ZFHX3: variants seen among roughly 807,000 people sequenced by gnomAD.
ZFHX3 encodes zinc finger homeobox 3, also known as zinc finger homeobox protein 3.
ZFHX3 carries 42 observed loss-of-function variants against 279.1 expected under a neutral mutation model. The ratio of observed to expected loss-of-function variants is 0.15; its 90% CI spans 0.12 to 0.19. The LOEUF is 0.19. Among genes scored for constraint, ZFHX3 ranks in the 10% least tolerant of loss-of-function variants. The probability of loss-of-function intolerance (pLI) is 1.00; values close to 1 mark genes in which losing one functional copy is unlikely to be tolerated. For synonymous variants in ZFHX3, 2,293 were observed against 1,957.8 expected (o/e 1.17, Z -4.52); for missense variants, 4,981 against 4,754.0 (o/e 1.05, Z -1.40).
intron 2 of ZFHX3, among the ~76,000 whole-genome samples, chr16:72,951,189 G>A (rs1960978367): frequency 6.6e-6 from 1 of 152,134 alleles, no homozygotes; most frequent in Non-Finnish European, 1.5e-5. Flanking sequence ...TTTCTGGCAG[G>A]TTTTGTATTT....
chr16:73,520,374 C>T lies in ZFHX3; in HGVS notation c.-1546-64116G>A, dbSNP rs1263863161. 2.0e-5 allele frequency among the ~76,000 whole-genome samples: 3 copies of T among 152,176 alleles called. No homozygotes were observed. In the South Asian group the frequency reaches 6.2e-4, roughly 32 times the overall value. ...GAAAACTAAAATTACAAAGGCATAG[C>T]CTAGCAAACTTAAGTTTTTCTAAAT... is the stretch of plus-strand genomic sequence containing the variant. On this transcript the variant is annotated intron_variant, in intron 2 of 17. Coordinates refer to the ZFHX3 transcript ENST00000641206.
chr16:73,255,295 C>T (rs549538296), intron 5 of ZFHX3, among the ~76,000 whole-genome samples: 184 of 152,298 alleles, frequency 1.2e-3, no homozygotes, highest in African/African-American at 4.2e-3. Flanking sequence ...GTATTTGAGA[C>T]ATTAAATCCA....
chr16:73,535,286 G>T (rs1400773390), intron 2 of ZFHX3, among the ~76,000 whole-genome samples: 3 of 152,202 alleles, frequency 2.0e-5, no homozygotes, highest in African/African-American at 7.2e-5. Flanking sequence ...TTGAGTAATT[G>T]TTATTTAATC....
At chr16:73,784,067 G>A (rs328330) in intron 1 of ZFHX3, among the ~76,000 whole-genome samples, 2,176 of 152,160 alleles carry the variant, frequency 0.014, 49 homozygotes, top group African/African-American at 0.049. Flanking sequence ...TGAGAAAATG[G>A]TGAGGGCAGC....
At chr16:72,847,541 G>A (rs372997089) in intron 4 of ZFHX3, among the ~76,000 whole-genome samples, 7 of 152,058 alleles carry the variant, frequency 4.6e-5, no homozygotes, top group Non-Finnish European at 5.9e-5. Context: ...AAGTGAGCCC[G>A]GAGCACCCCC....
chr16:73,864,610 T>C (rs375520069), intron 1 of ZFHX3, among the ~76,000 whole-genome samples: 8 of 152,148 alleles, frequency 5.3e-5, no homozygotes, highest in African/African-American at 1.9e-4. Flanking sequence ...TCCCAGCTAC[T>C]TGGGAGGTTG....
rs556254230 is a variant in ZFHX3 at position 73,237,127 on chromosome 16, G to A, written c.-1104+19920C>T. On this transcript the variant is annotated intron_variant, in intron 5 of 17. Transcript: ENST00000641206. ...GCTCACAGAGAGAGGACTTGCCTAAGGTTGAAAGATAATAAGAGACAGCTG... is the reference window on the plus strand; with the variant it reads ...GCTCACAGAGAGAGGACTTGCCTAAAGTTGAAAGATAATAAGAGACAGCTG... Among the ~76,000 whole-genome samples, 3 of 152,284 alleles carry A rather than the reference G, an allele frequency of 2.0e-5. No individual in the cohort carries two copies. In the East Asian group the frequency reaches 5.8e-4, roughly 29 times the overall value.
chr16:72,910,337 C>T (rs554514135), intron 3 of ZFHX3, among the ~76,000 whole-genome samples: 1 of 152,304 alleles, frequency 6.6e-6, no homozygotes, highest in East Asian at 1.9e-4. Context: ...TCATTATCAT[C>T]CCTGCGTCAT....
Position 73,844,005 on chromosome 16 carries a change from C to A in ZFHX3, c.-1608+47646G>T, listed in dbSNP as rs76231774. On this transcript the variant is annotated intron_variant, in intron 1 of 17. Coordinates refer to the ZFHX3 transcript ENST00000641206. ...AATCATTCTTAGCTGCCAGGCCATA[C>A]AAAATTAGGCAGCGGGCTGTGGATT... 7.7e-3 allele frequency among the ~76,000 whole-genome samples: 1,176 copies of A among 152,248 alleles called. 9 individuals are homozygous for A. The highest frequency in any genetic ancestry group is 0.012 in the Non-Finnish European group (819 of 68,008).
At chr16:73,779,062 G>A (rs540557809) in intron 1 of ZFHX3, among the ~76,000 whole-genome samples, 1 of 152,278 alleles carries the variant, frequency 6.6e-6, no homozygotes, top group East Asian at 1.9e-4. Flanking sequence ...GGGGTGGGTG[G>A]TCCAGATGGA....
intron 8 of ZFHX3, among the ~76,000 whole-genome samples, chr16:73,090,606 G>A (rs944803577): frequency 4.6e-5 from 7 of 151,858 alleles, no homozygotes; most frequent in Admixed American, 2.0e-4. Context: ...GCAGTAAAGG[G>A]TGGGGCGTGG....
At chr16:73,174,785 A>T (rs1362545549) in intron 5 of ZFHX3, among the ~76,000 whole-genome samples, 1 of 148,142 alleles carries the variant, frequency 6.8e-6, no homozygotes, top group Admixed American at 6.9e-5. Flanking sequence ...TGGGAGGCCG[A>T]GGTGGGTGGA....
chr16:73,341,295 C>T (rs924963816), intron 3 of ZFHX3, among the ~76,000 whole-genome samples: 7 of 151,942 alleles, frequency 4.6e-5, no homozygotes, highest in African/African-American at 7.3e-5. Context: ...GAGCTGAGGT[C>T]GCAACACTGT....
intron 7 of ZFHX3, among the ~76,000 whole-genome samples, chr16:73,112,222 G>A (rs963853430): frequency 3.9e-5 from 6 of 151,960 alleles, no homozygotes; most frequent in African/African-American, 1.4e-4. Context: ...AGACAGAGAA[G>A]AAGAGAGGGG....
chr16:73,402,679 A>T (rs536556178), intron 3 of ZFHX3, among the ~76,000 whole-genome samples: 26 of 152,164 alleles, frequency 1.7e-4, no homozygotes, highest in Non-Finnish European at 3.5e-4. Flanking sequence ...TTAACTTATA[A>T]GAGTTTGTCA....
chr16:73,731,866 G>A (rs983536721), intron 1 of ZFHX3, among the ~76,000 whole-genome samples: 1 of 152,146 alleles, frequency 6.6e-6, no homozygotes, highest in Non-Finnish European at 1.5e-5. Context: ...CACACGTTTT[G>A]GAAGGATAGA....
chr16:73,307,689 A>C (rs533875084), intron 4 of ZFHX3, among the ~76,000 whole-genome samples: 1 of 152,084 alleles, frequency 6.6e-6, no homozygotes, highest in African/African-American at 2.4e-5. Flanking sequence ...TCCTTCTCTT[A>C]TATCTGTTTG....
chr16:73,150,233 C>T (rs1966908801), intron 5 of ZFHX3, among the ~76,000 whole-genome samples: 1 of 152,122 alleles, frequency 6.6e-6, no homozygotes, highest in Admixed American at 6.5e-5. Context: ...TAGGGGCTGG[C>T]CAGAGTGGTA....
chr16:73,173,882 T>C (rs529807059), intron 5 of ZFHX3, among the ~76,000 whole-genome samples: 1 of 152,318 alleles, frequency 6.6e-6, no homozygotes, highest in East Asian at 1.9e-4. Flanking sequence ...CATAAACCCC[T>C]TCGGACCTTC....
Sources: allele counts gnomAD v4.1 joint callset (sites outside exome capture counted in the v4.1 genomes callset), GRCh38; gene constraint gnomAD v4.1.1; transcripts MANE v1.5; gene names NCBI Gene and HGNC (gene_info 2026-07-23, HGNC 2026-07-21).